CDH4: variants seen among roughly 807,000 people sequenced by gnomAD.
CDH4 encodes cadherin-4.
A neutral mutation model predicts 86.0 loss-of-function variants in CDH4; 33 were observed. The observed-to-expected ratio is 0.38, with a 90% CI of 0.29 to 0.51. The LOEUF is 0.51. CDH4 is among the 20% of genes least tolerant of loss of function. The pLI, the probability that CDH4 is intolerant of heterozygous loss-of-function variation, is 0.86. For missense variants in CDH4, 1,114 were observed against 1,307.4 expected (o/e 0.85, Z 2.28); for synonymous variants, 555 against 549.4 (o/e 1.01, Z -0.14).
chr20:61,723,332 C>G (rs1329069719), intron 2 of CDH4, among the ~76,000 whole-genome samples: 1 of 152,204 alleles, frequency 6.6e-6, no homozygotes, highest in Non-Finnish European at 1.5e-5. Flanking sequence ...CTCCTCAGCA[C>G]CGGGCAGGCC....
chr20:61,267,310 G>A (rs752435103), intron 2 of CDH4, among the ~76,000 whole-genome samples: 1 of 152,182 alleles, frequency 6.6e-6, no homozygotes, highest in East Asian at 1.9e-4. Flanking sequence ...CAGGGAATCC[G>A]ATCTTTGCGA....
rs967684991 is a variant in CDH4 at position 61,741,616 on chromosome 20, C to T, written c.170-1947C>T. On this transcript the variant is annotated intron_variant, in intron 2 of 15. Coordinates refer to ENST00000614565, the MANE Select transcript of CDH4 (RefSeq NM_001794.5). ...ACGCCATTCTTCTGCCTCAGCCTCC[C>T]GAGTAGCTGGGACTACAGGCACCCG... Among the ~76,000 whole-genome samples, 5 of 152,180 alleles carry T rather than the reference C, an allele frequency of 3.3e-5. No homozygotes were observed. The South Asian group carries it at 6.2e-4, about 19-fold the overall frequency.
intron 8 of CDH4, among the ~76,000 whole-genome samples, chr20:61,898,767 C>T (rs571517264): frequency 7.9e-4 from 120 of 152,274 alleles, no homozygotes; most frequent in Non-Finnish European, 1.2e-3. Flanking sequence ...CTCAAGGTGT[C>T]GTCGGGAGCA....
At chr20:61,712,646 C>G (rs1266299903) in intron 2 of CDH4, among the ~76,000 whole-genome samples, 1 of 152,192 alleles carries the variant, frequency 6.6e-6, no homozygotes. Flanking sequence ...AGGCACATCC[C>G]TGGCCCTATA....
At chr20:61,521,914 G>A (rs1244557389) in intron 2 of CDH4, among the ~76,000 whole-genome samples, 1 of 152,222 alleles carries the variant, frequency 6.6e-6, no homozygotes, top group Non-Finnish European at 1.5e-5. Context: ...GGGCCACCTT[G>A]CTGTGACTCA....
chr20:61,407,525 T>G (rs946592894), intron 2 of CDH4, among the ~76,000 whole-genome samples: 3 of 152,180 alleles, frequency 2.0e-5, no homozygotes, highest in Non-Finnish European at 2.9e-5. Context: ...TACAACCACT[T>G]TAGAAAAGAC....
intron 4 of CDH4, among the ~76,000 whole-genome samples, chr20:61,784,594 C>T (rs559487286): frequency 1.1e-5 from 1 of 93,446 alleles, no homozygotes; most frequent in South Asian, 3.6e-4. Context: ...CGGGACAGTT[C>T]TCCAGGCCCT....
In CDH4 at chr20:61,879,949, C is replaced by T. The variant is rs543240612; in HGVS notation, c.1050+6049C>T. ...AAATTTCTTCCCAAACAAGGGGGGC[C>T]GAATTCGTGATCTCCTGGTCTGAAA... On this transcript the variant is annotated intron_variant, in intron 7 of 15. Transcript: ENST00000614565. This position sits in a 1 kb window ranked among gnomAD's most constrained non-coding sequence, Gnocchi z 4.1. Among the ~76,000 whole-genome samples, 3 of 152,194 alleles carry T rather than the reference C, an allele frequency of 2.0e-5. No homozygotes were observed. The highest frequency in any genetic ancestry group is 2.1e-4 in the South Asian group (1 of 4,814).
intron 4 of CDH4, among the ~76,000 whole-genome samples, chr20:61,840,055 A>AGG (rs1409537598): frequency 2.0e-4 from 31 of 152,104 alleles, no homozygotes. Context: ...CAGTGCCCCA[A>AGG]GGGGTCTCCC....
intron 2 of CDH4, among the ~76,000 whole-genome samples, chr20:61,481,968 TTTTG>T (rs1471952177): frequency 2.0e-5 from 3 of 152,204 alleles, no homozygotes; most frequent in African/African-American, 7.2e-5. Flanking sequence ...TCCATGGTGA[TTTTG>T]TTTCTCTGTC....
chr20:61,413,330 C>T (rs2085129862), intron 2 of CDH4, among the ~76,000 whole-genome samples: 1 of 152,134 alleles, frequency 6.6e-6, no homozygotes, highest in African/African-American at 2.4e-5. Flanking sequence ...TGGCTTTTGT[C>T]CTGGCAGTCA....
At chr20:61,451,321 G>T (rs570966971) in intron 2 of CDH4, among the ~76,000 whole-genome samples, 22 of 152,296 alleles carry the variant, frequency 1.4e-4, no homozygotes, top group Non-Finnish European at 2.8e-4. Flanking sequence ...TCTCAGCTGC[G>T]TCAGAGTGGT....
At chr20:61,672,023 A>T (rs1482380839) in intron 2 of CDH4, among the ~76,000 whole-genome samples, 5 of 126,706 alleles carry the variant, frequency 3.9e-5, no homozygotes, top group African/African-American at 1.5e-4. Flanking sequence ...ATGTATGGAC[A>T]GATGGGTGGA....
intron 2 of CDH4, among the ~76,000 whole-genome samples, chr20:61,553,346 T>C (rs760682239): frequency 2.6e-5 from 4 of 152,224 alleles, no homozygotes; most frequent in African/African-American, 4.8e-5. Context: ...GAAAATGTAC[T>C]GGGTTAAAAG....
chr20:61,805,515 G>A (rs1370031539), intron 4 of CDH4, among the ~76,000 whole-genome samples: 1 of 152,196 alleles, frequency 6.6e-6, no homozygotes, highest in Non-Finnish European at 1.5e-5. Context: ...TCCCCTGCCC[G>A]GCCTCAGACA....
chr20:61,871,371 T>C (rs1328397399), intron 6 of CDH4, among the ~76,000 whole-genome samples: 1 of 152,208 alleles, frequency 6.6e-6, no homozygotes, highest in Admixed American at 6.5e-5. Context: ...CATTGCCACA[T>C]TGAAAGTTTT....
chr20:61,345,573 T>C (rs116952307), intron 2 of CDH4, among the ~76,000 whole-genome samples: 6,357 of 152,326 alleles, frequency 0.042, 189 homozygotes, highest in Middle Eastern at 0.068. Context: ...GAGCCCTACC[T>C]GGGACACTCC....
intron 2 of CDH4, among the ~76,000 whole-genome samples, chr20:61,589,372 G>A (rs191736116): frequency 6.6e-6 from 1 of 152,202 alleles, no homozygotes; most frequent in Non-Finnish European, 1.5e-5. Context: ...TTTCTTCTTG[G>A]TCTGAATTTT....
At chr20:61,689,903 A>ATCC in intron 2 of CDH4, among the ~76,000 whole-genome samples, 1 of 140,838 alleles carries the variant, frequency 7.1e-6, no homozygotes, top group African/African-American at 2.9e-5. Flanking sequence ...GGTGATGTGG[A>ATCC]ATTGAGCTGG....
Sources: gnomAD v4.1 joint callset for allele counts (sites outside exome capture counted in the v4.1 genomes callset) on GRCh38, gnomAD v4.1.1 for gene constraint, Gnocchi (gnomAD v3.1) non-coding constraint, MANE v1.5 for transcripts, NCBI Gene and HGNC (gene_info 2026-07-23, HGNC 2026-07-21) for gene names.